The following P2RX3 variants were observed in gnomAD, a reference collection of about 807,000 sequenced individuals.
The protein encoded by P2RX3 is purinergic receptor P2X 3.
P2RX3 carries 41 observed loss-of-function variants against 51.5 expected under a neutral mutation model. That is an observed-to-expected ratio of 0.80 (90% CI 0.62 to 1.03). The LOEUF is 1.03. Among genes scored for constraint, P2RX3 ranks in the 50% least tolerant of loss-of-function variants. The probability of loss-of-function intolerance (pLI) is 0.00; values close to 1 mark genes in which losing one functional copy is unlikely to be tolerated. For missense variants in P2RX3, 459 were observed against 522.1 expected, an observed-to-expected ratio of 0.88 and a Z score of 1.18; for synonymous variants, 185 against 191.6, an observed-to-expected ratio of 0.97 and a Z score of 0.29.
chr11:57,342,148 C>CTTTTT lies in P2RX3; in HGVS notation c.119+3504_119+3508dup, dbSNP rs67011422. The stretch of plus-strand genomic sequence containing the variant: ...GGGAAGAACTGTTGGGCTGCCCCAT[C>CTTTTT]TTTTTTTTTTTTTTTTTTTTTTTTT... On this transcript the variant is annotated intron_variant, in intron 1 of 11. Transcript: ENST00000263314. Among the ~76,000 whole-genome samples the CTTTTT allele has an allele frequency of 3.7e-4, 18 of 48,402 alleles. 1 individual carries two copies. Among genetic ancestry groups the CTTTTT allele is most frequent in the Admixed American group, 6.9e-4 (2 of 2,878 alleles). The allele number at this position is 48,402 out of a possible 152,430, so 31.8% of individuals were successfully genotyped here.
intron 9 of P2RX3, 55 bp from the exon 10 acceptor site, chr11:57,368,317 C>T: frequency 6.3e-7 from 1 of 1,592,944 alleles, no homozygotes; most frequent in Admixed American, 1.7e-5. Context: ...AGCCTCGGGC[C>T]TCACCCCCAT....
At chr11:57,341,091 G>T (rs2134405421) in intron 1 of P2RX3, among the ~76,000 whole-genome samples, 1 of 152,270 alleles carries the variant, frequency 6.6e-6, no homozygotes, top group East Asian at 1.9e-4. Context: ...GTGTCTGTGT[G>T]CACTTTTGTG....
intron 1 of P2RX3, among the ~76,000 whole-genome samples, chr11:57,341,120 T>TGA (rs144483260): frequency 6.6e-5 from 10 of 151,582 alleles, no homozygotes; most frequent in African/African-American, 9.7e-5. Context: ...CACGTGAGTT[T>TGA]GAGAGAGAGA....
At chr11:57,345,927 G>A (rs567930095) in intron 1 of P2RX3, among the ~76,000 whole-genome samples, 62 of 128,852 alleles carry the variant, frequency 4.8e-4, no homozygotes, top group African/African-American at 1.6e-3. Flanking sequence ...AAGCTCAGCC[G>A]CTGTCCCCCG....
chr11:57,359,431 C>T (rs1311794301), intron 8 of P2RX3, among the ~76,000 whole-genome samples: 1 of 152,192 alleles, frequency 6.6e-6, no homozygotes, highest in Non-Finnish European at 1.5e-5. Flanking sequence ...AGGTAACCAT[C>T]CCCGCTGCCC....
chr11:57,337,289 C>CA (rs36169095), upstream of P2RX3, among the ~76,000 whole-genome samples: 3,712 of 26,424 alleles, frequency 0.14, 165 homozygotes, highest in Non-Finnish European at 0.18. Context: ...GAGACTCTGT[C>CA]AAAAAAAAAA....
At chr11:57,356,822 T>C (rs1378183439) in intron 8 of P2RX3, among the ~76,000 whole-genome samples, 1 of 152,232 alleles carries the variant, frequency 6.6e-6, no homozygotes. Context: ...ATTTTCTTCA[T>C]CATTTTTAGG....
chr11:57,355,239 G>T (rs1195863620), intron 8 of P2RX3, among the ~76,000 whole-genome samples: 1 of 152,060 alleles, frequency 6.6e-6, no homozygotes, highest in Non-Finnish European at 1.5e-5. Context: ...TTATGCCCCC[G>T]ATGAAAATGG....
intron 4 of P2RX3, among the ~76,000 whole-genome samples, chr11:57,347,758 G>A (rs1004825622): frequency 2.0e-5 from 3 of 152,156 alleles, no homozygotes; most frequent in African/African-American, 4.8e-5. Context: ...TGGGGGAGGG[G>A]GAGAGATTGC....
intron 8 of P2RX3, among the ~76,000 whole-genome samples, chr11:57,352,678 T>C (rs946085944): frequency 2.0e-5 from 3 of 152,220 alleles, no homozygotes; most frequent in Non-Finnish European, 4.4e-5. Flanking sequence ...TGGAGTTCTT[T>C]ATCTCCAATT....
chr11:57,347,594 T>C (rs1856463132), intron 4 of P2RX3, 116 bp downstream of exon 4: 7 of 1,186,460 alleles, frequency 5.9e-6, no homozygotes, highest in South Asian at 1.4e-5. Context: ...TCTGCTGGCA[T>C]TTACAGTTGC....
chr11:57,368,366 A>G lies in P2RX3; in HGVS notation c.937-6A>G. ...TGCCCACTTGCCTTGGTCTTTGTGC[A>G]CACAGGCTGGCAAGTTCAACATCAT... is the stretch of plus-strand genomic sequence containing the variant. On this transcript the variant is annotated splice_polypyrimidine_tract_variant and splice_region_variant and intron_variant, in intron 9 of 11. Coordinates refer to ENST00000263314, the MANE Select transcript of P2RX3 (RefSeq NM_002559.5). 1.9e-6 allele frequency: 3 copies of G among 1,614,102 alleles called. No individual in the cohort carries two copies. Among genetic ancestry groups the G allele is most frequent in the Non-Finnish European group, 2.5e-6 (3 of 1,180,020 alleles).
At chr11:57,363,088 G>A (rs186163787) in intron 8 of P2RX3, among the ~76,000 whole-genome samples, 479 of 152,144 alleles carry the variant, frequency 3.1e-3, no homozygotes, top group South Asian at 0.011. Flanking sequence ...CAGAGAAGTC[G>A]AATGACCTTC....
intron 1 of P2RX3, among the ~76,000 whole-genome samples, chr11:57,345,217 T>C (rs932355840): frequency 1.3e-5 from 2 of 152,144 alleles, no homozygotes; most frequent in Admixed American, 6.5e-5. Context: ...TCAAATTCCT[T>C]CCACTCACCT....
intron 8 of P2RX3, among the ~76,000 whole-genome samples, chr11:57,362,156 G>A (rs1856730155): frequency 6.6e-6 from 1 of 152,194 alleles, no homozygotes; most frequent in Non-Finnish European, 1.5e-5. Context: ...GGAAAAGGGA[G>A]GCAAGAGGAA....
At chr11:57,348,294 G>A (rs1341020443) in intron 5 of P2RX3, 31 bp downstream of exon 5, 1 of 1,557,018 alleles carries the variant, frequency 6.4e-7, no homozygotes, top group Non-Finnish European at 8.7e-7. Context: ...GGAGGAGACA[G>A]GCCCCCACCT....
chr11:57,366,770 G>A (rs906403176), intron 8 of P2RX3, among the ~76,000 whole-genome samples: 1 of 152,268 alleles, frequency 6.6e-6, no homozygotes, highest in South Asian at 2.1e-4. Context: ...GGCGCAGGGT[G>A]TCACATGGAG....
At chr11:57,340,967 G>A (rs1856328625) in intron 1 of P2RX3, among the ~76,000 whole-genome samples, 1 of 152,184 alleles carries the variant, frequency 6.6e-6, no homozygotes, top group Non-Finnish European at 1.5e-5. Context: ...GATGAGTGAG[G>A]GTGGTGTACG....
At chr11:57,363,725 G>A (rs1856755166) in intron 8 of P2RX3, among the ~76,000 whole-genome samples, 1 of 152,184 alleles carries the variant, frequency 6.6e-6, no homozygotes, top group African/African-American at 2.4e-5. Flanking sequence ...TCACAGGGGT[G>A]GGCAGATTCT....
Sources: allele counts gnomAD v4.1 joint callset (sites outside exome capture counted in the v4.1 genomes callset), GRCh38; gene constraint gnomAD v4.1.1; transcripts MANE v1.5; gene names NCBI Gene and HGNC (gene_info 2026-07-23, HGNC 2026-07-21).